Variants in PALLD observed in about 807,000 individuals in gnomAD.
The protein encoded by PALLD is palladin.
Under a neutral mutation model 123.5 loss-of-function variants are expected in PALLD, and 61 were observed. The ratio of observed to expected loss-of-function variants is 0.49; its 90% CI spans 0.40 to 0.61. The LOEUF (loss-of-function observed/expected upper bound fraction) is 0.61, where lower values mean the gene tolerates loss of function less well. Among genes scored for constraint, PALLD ranks in the 20% least tolerant of loss-of-function variants. PALLD has a pLI of 0.00. For missense variants in PALLD, 1,273 were observed against 1,377.0 expected (o/e 0.92, Z 1.20); for synonymous variants, 465 against 496.4 (o/e 0.94, Z 0.84).
At chr4:168,638,338 C>T (rs1384182656) in intron 2 of PALLD, among the ~76,000 whole-genome samples, 2 of 152,204 alleles carry the variant, frequency 1.3e-5, no homozygotes, top group Non-Finnish European at 1.5e-5. Context: ...TGCTCTCAGA[C>T]CTTCAGGGCT....
At position 168,511,784 on chromosome 4, in the gene PALLD, C is replaced by A; in HGVS notation, c.280C>A (p.Pro94Thr). The change falls in exon 2 of 22, where the codon CCT becomes ACT. Residue 94 changes from proline to threonine, a missense_variant. Coordinates refer to ENST00000505667, the MANE Select transcript of PALLD (RefSeq NM_001166108.2). ...ATTGGGTGAACACGCCTCGAGGAGA[C>A]CTCAGGATAACAGGTCAACACCTGT... ...TKLGEHASRR[P>T]QDNRSTPVQP... The A allele has an allele frequency of 6.2e-7, 1 of 1,614,170 alleles. No homozygotes were observed. The highest frequency in any genetic ancestry group is 2.2e-5 in the East Asian group (1 of 44,870).
chr4:168,651,272 G>A (rs1778012969), intron 2 of PALLD, among the ~76,000 whole-genome samples: 1 of 152,090 alleles, frequency 6.6e-6, no homozygotes, highest in Non-Finnish European at 1.5e-5. Context: ...GGGCAAACTG[G>A]TTCTTTTAGC....
At chr4:168,715,811 G>C (rs1323099268) in intron 10 of PALLD, among the ~76,000 whole-genome samples, 1 of 152,132 alleles carries the variant, frequency 6.6e-6, no homozygotes, top group Non-Finnish European at 1.5e-5. Context: ...TTAGCCGGGC[G>C]TGGTGGCAGG....
intron 10 of PALLD, among the ~76,000 whole-genome samples, chr4:168,717,929 G>A (rs950827714): frequency 7.2e-5 from 11 of 152,006 alleles, no homozygotes; most frequent in Non-Finnish European, 1.5e-4. Flanking sequence ...TGAGACATTC[G>A]GAAGGACTAG....
intron 2 of PALLD, among the ~76,000 whole-genome samples, chr4:168,607,108 A>G (rs775856987): frequency 5.1e-4 from 78 of 152,168 alleles, no homozygotes; most frequent in Admixed American, 8.5e-4. Flanking sequence ...TGACAGGGGA[A>G]CATTATATAT....
intron 2 of PALLD, among the ~76,000 whole-genome samples, chr4:168,644,860 T>C (rs553908210): frequency 2.3e-4 from 35 of 152,238 alleles, no homozygotes; most frequent in Admixed American, 5.9e-4. Flanking sequence ...CCCAGCACTT[T>C]GGAAGGCCGA....
chr4:168,646,363 T>C (rs559984172), intron 2 of PALLD, among the ~76,000 whole-genome samples: 1 of 152,198 alleles, frequency 6.6e-6, no homozygotes, highest in Non-Finnish European at 1.5e-5. Flanking sequence ...AGCAATCTGC[T>C]TCCACAGCAG....
At chr4:168,518,111 A>G (rs757400441) in intron 2 of PALLD, among the ~76,000 whole-genome samples, 4 of 152,126 alleles carry the variant, frequency 2.6e-5, no homozygotes, top group Non-Finnish European at 5.9e-5. Flanking sequence ...CCAGCTGTTC[A>G]GGAAAAAAAC....
chr4:168,881,535 G>A (rs1420911648), intron 10 of PALLD, among the ~76,000 whole-genome samples: 2 of 145,794 alleles, frequency 1.4e-5, no homozygotes. Flanking sequence ...GGTTGACTGC[G>A]GTCTGGGGAA....
chr4:168,906,276 T>C (rs1757779600), intron 15 of PALLD, among the ~76,000 whole-genome samples: 1 of 152,202 alleles, frequency 6.6e-6, no homozygotes, highest in African/African-American at 2.4e-5. Flanking sequence ...GAATAAGCCA[T>C]TTTATAGAAC....
At position 168,560,074 on chromosome 4, in the gene PALLD, T is replaced by C. The variant is rs1421402650; in HGVS notation, c.908+47662T>C. Among the ~76,000 whole-genome samples the C allele has an allele frequency of 2.0e-5, 3 of 152,158 alleles. No homozygotes were observed. In the East Asian group the frequency reaches 5.8e-4, roughly 29 times the overall value. On this transcript the variant is annotated intron_variant, in intron 2 of 21. Transcript: ENST00000505667. Reference sequence around the variant, plus strand: ...TAGAAGTAATTCAAGGTACCCTCAATATATGCTGTCAGGTAGAGTATAAAG... The same window carrying C: ...TAGAAGTAATTCAAGGTACCCTCAACATATGCTGTCAGGTAGAGTATAAAG...
chr4:168,692,712 A>C (rs1264723098), intron 8 of PALLD, among the ~76,000 whole-genome samples: 4 of 152,244 alleles, frequency 2.6e-5, no homozygotes, highest in African/African-American at 9.6e-5. Context: ...TTTGTGTATA[A>C]ATAAGGCTAA....
chr4:168,783,070 GTGTGTGTGTGTGTGTA>G (rs1736173757), intron 10 of PALLD, among the ~76,000 whole-genome samples: 3 of 149,610 alleles, frequency 2.0e-5, no homozygotes, highest in African/African-American at 5.0e-5. Context: ...GTGTGTGTGT[GTGTGTGTGTGTGTGTA>G]TAGTACTGTT....
At chr4:168,567,688 G>A (rs944181924) in intron 2 of PALLD, among the ~76,000 whole-genome samples, 2 of 151,472 alleles carry the variant, frequency 1.3e-5, no homozygotes, top group African/African-American at 4.9e-5. Flanking sequence ...TAAGTGAAAT[G>A]ACTCAGAAAC....
intron 10 of PALLD, among the ~76,000 whole-genome samples, chr4:168,848,823 G>C (rs1747296121): frequency 6.6e-6 from 1 of 152,076 alleles, no homozygotes; most frequent in Non-Finnish European, 1.5e-5. Flanking sequence ...AATCTCAAAG[G>C]CTACCTGGAG....
At chr4:168,911,905 T>C (rs1759043487) in intron 15 of PALLD, among the ~76,000 whole-genome samples, 1 of 152,162 alleles carries the variant, frequency 6.6e-6, no homozygotes, top group African/African-American at 2.4e-5. Flanking sequence ...GGTATAAAAC[T>C]AGTTATGTTT....
At chr4:168,593,040 T>C (rs950867560) in intron 2 of PALLD, among the ~76,000 whole-genome samples, 7 of 152,102 alleles carry the variant, frequency 4.6e-5, no homozygotes, top group Middle Eastern at 3.4e-3. Context: ...AAGTCAACTA[T>C]GCAAAAATTA....
At chr4:168,635,203 GT>G (rs1187685631) in intron 2 of PALLD, among the ~76,000 whole-genome samples, 1 of 152,188 alleles carries the variant, frequency 6.6e-6, no homozygotes, top group Non-Finnish European at 1.5e-5. Flanking sequence ...GGGAGAGATG[GT>G]TTTGCTCAAC....
intron 10 of PALLD, among the ~76,000 whole-genome samples, chr4:168,755,378 G>A (rs1731695480): frequency 6.6e-6 from 1 of 152,102 alleles, no homozygotes; most frequent in African/African-American, 2.4e-5. Context: ...AGAAATCTGG[G>A]GGAAGAACAT....
Sources: gnomAD v4.1 joint callset for allele counts (sites outside exome capture counted in the v4.1 genomes callset) on GRCh38, gnomAD v4.1.1 for gene constraint, MANE v1.5 for transcripts, NCBI Gene and HGNC (gene_info 2026-07-23, HGNC 2026-07-21) for gene names.